Variants in NWD2 observed in about 807,000 individuals in gnomAD.
NWD2 encodes the protein NACHT and WD repeat domain containing 2.
A neutral mutation model predicts 132.7 loss-of-function variants in NWD2; 37 were observed. That is an observed-to-expected ratio of 0.28 (90% CI 0.21 to 0.37). NWD2 has a LOEUF of 0.37. NWD2 is among the 10% of genes least tolerant of loss of function. The probability of loss-of-function intolerance (pLI) is 1.00; values close to 1 mark genes in which losing one functional copy is unlikely to be tolerated. For missense variants in NWD2, 1,592 were observed against 2,122.4 expected (o/e 0.75, Z 4.91); for synonymous variants, 705 against 803.0 (o/e 0.88, Z 2.06).
chr4:37,259,054 G>A (rs1717579032), intron 1 of NWD2, among the ~76,000 whole-genome samples: 1 of 152,202 alleles, frequency 6.6e-6, no homozygotes, highest in Non-Finnish European at 1.5e-5. Flanking sequence ...GCACCTGCAA[G>A]GGGGATGGCA....
intron 1 of NWD2, among the ~76,000 whole-genome samples, chr4:37,255,778 AG>A (rs1717505617): frequency 1.3e-5 from 2 of 152,110 alleles, no homozygotes; most frequent in African/African-American, 2.4e-5. Flanking sequence ...CTGCAGCCTG[AG>A]TGATATGACC....
intron 1 of NWD2, among the ~76,000 whole-genome samples, chr4:37,259,695 A>T (rs768446287): frequency 6.6e-5 from 10 of 152,122 alleles, no homozygotes; most frequent in Non-Finnish European, 1.5e-4. Context: ...CAGGATCCCC[A>T]CGGGGATGGT....
rs566741474 is a variant in NWD2 at position 37,380,004 on chromosome 4, C to T, written c.357+23522C>T. Reference sequence around the variant, plus strand: ...AGGCAAGAAGCATTTGAACTTGGCTCCGCCACTTGTTCTATGTTCATCTCT... The same window carrying T: ...AGGCAAGAAGCATTTGAACTTGGCTTCGCCACTTGTTCTATGTTCATCTCT... On this transcript the variant is annotated intron_variant, in intron 3 of 6. Transcript: ENST00000309447. Among the ~76,000 whole-genome samples, 4 of 152,348 alleles carry T rather than the reference C, an allele frequency of 2.6e-5. No individual in the cohort carries two copies. In the South Asian group the frequency reaches 8.3e-4, roughly 32 times the overall value.
chr4:37,312,288 A>C (rs924168922), intron 1 of NWD2, among the ~76,000 whole-genome samples: 1 of 150,672 alleles, frequency 6.6e-6, no homozygotes, highest in Admixed American at 6.6e-5. Flanking sequence ...ATTTGTTTGC[A>C]TCCTCTTTTA....
intron 1 of NWD2, among the ~76,000 whole-genome samples, chr4:37,284,728 G>A (rs1718192972): frequency 6.6e-6 from 1 of 152,224 alleles, no homozygotes; most frequent in Non-Finnish European, 1.5e-5. Context: ...CCCAAACACA[G>A]TGAGTATCTA....
chr4:37,265,070 G>A (rs775992742), intron 1 of NWD2, among the ~76,000 whole-genome samples: 12 of 152,074 alleles, frequency 7.9e-5, no homozygotes, highest in Non-Finnish European at 1.6e-4. Context: ...CTGAACTCCA[G>A]CCTGTACTGT....
chr4:37,369,316 C>T (rs1446164251), intron 3 of NWD2, among the ~76,000 whole-genome samples: 1 of 152,000 alleles, frequency 6.6e-6, no homozygotes, highest in South Asian at 2.1e-4. Flanking sequence ...AGTTTTGTTA[C>T]ATGGATATAC....
intron 1 of NWD2, among the ~76,000 whole-genome samples, chr4:37,309,919 G>A (rs1343398433): frequency 6.6e-6 from 1 of 152,170 alleles, no homozygotes; most frequent in Non-Finnish European, 1.5e-5. Context: ...CTTTTTGTGT[G>A]AAGGAAGCAG....
intron 1 of NWD2, among the ~76,000 whole-genome samples, chr4:37,317,693 A>C (rs1718985526): frequency 1.3e-5 from 2 of 152,224 alleles, no homozygotes; most frequent in South Asian, 4.1e-4. Context: ...ACAGATCTTT[A>C]AAATGGTTAT....
chr4:37,374,964 A>G (rs1277280585), intron 3 of NWD2, among the ~76,000 whole-genome samples: 3 of 152,256 alleles, frequency 2.0e-5, no homozygotes, highest in Non-Finnish European at 4.4e-5. Context: ...GAAAATCTGG[A>G]TAAATTGGTA....
At chr4:37,253,320 A>T (rs1236125912) in intron 1 of NWD2, among the ~76,000 whole-genome samples, 1 of 152,200 alleles carries the variant, frequency 6.6e-6, no homozygotes, top group East Asian at 1.9e-4. Context: ...ATGCATCCTA[A>T]TACTAAATAG....
At chr4:37,309,273 T>A (rs1718779329) in intron 1 of NWD2, among the ~76,000 whole-genome samples, 1 of 152,206 alleles carries the variant, frequency 6.6e-6, no homozygotes, top group Non-Finnish European at 1.5e-5. Flanking sequence ...GTGGCAGTTC[T>A]GCTGGTCATT....
intron 1 of NWD2, among the ~76,000 whole-genome samples, chr4:37,294,448 A>C (rs1718436898): frequency 6.6e-6 from 1 of 152,134 alleles, no homozygotes; most frequent in Admixed American, 6.5e-5. Flanking sequence ...GACTTGCCAG[A>C]GGCCATAGGA....
At chr4:37,349,922 G>A (rs10856826) in intron 2 of NWD2, among the ~76,000 whole-genome samples, 140,821 of 152,108 alleles carry the variant, frequency 0.93, 66,173 homozygotes, top group East Asian at 1. Flanking sequence ...AGTTTTCCCA[G>A]CACCATTTAT....
chr4:37,343,951 T>C (rs1241165677), intron 2 of NWD2, among the ~76,000 whole-genome samples: 1 of 152,174 alleles, frequency 6.6e-6, no homozygotes. Context: ...AAAAGCATGA[T>C]AAATTAGCTT....
intron 1 of NWD2, among the ~76,000 whole-genome samples, chr4:37,265,809 C>T (rs146820676): frequency 1.3e-5 from 2 of 152,058 alleles, no homozygotes; most frequent in South Asian, 2.1e-4. Context: ...ATTTCAAGAT[C>T]CTTAGCTTAA....
chr4:37,245,773 G>A (rs972776109), intron 1 of NWD2, among the ~76,000 whole-genome samples: 1 of 152,158 alleles, frequency 6.6e-6, no homozygotes, highest in African/African-American at 2.4e-5. Context: ...GACACCCTCT[G>A]TGGGTCCCGG....
chr4:37,352,746 T>G (rs1006669758), intron 2 of NWD2, among the ~76,000 whole-genome samples: 5 of 152,228 alleles, frequency 3.3e-5, no homozygotes, highest in African/African-American at 9.6e-5. Flanking sequence ...CCTATCTATA[T>G]CTTTGCACAT....
intron 2 of NWD2, among the ~76,000 whole-genome samples, chr4:37,336,954 A>G (rs1351128245): frequency 7.2e-6 from 1 of 139,328 alleles, no homozygotes; most frequent in Non-Finnish European, 1.6e-5. Context: ...CAAAAAAAGA[A>G]AAAAAAAAAA....
Sources: gnomAD v4.1 joint callset for allele counts (sites outside exome capture counted in the v4.1 genomes callset) on GRCh38, gnomAD v4.1.1 for gene constraint, MANE v1.5 for transcripts, NCBI Gene and HGNC (gene_info 2026-07-23, HGNC 2026-07-21) for gene names.